Variants in B3GALT1 observed in about 807,000 individuals in gnomAD.
The protein encoded by B3GALT1 is UDP-Gal:betaGlcNAc beta 1,3-galactosyltransferase, polypeptide 1.
Under a neutral mutation model 23.2 loss-of-function variants are expected in B3GALT1, and 10 were observed. That is an observed-to-expected ratio of 0.43 (90% confidence interval 0.27 to 0.73). The LOEUF (loss-of-function observed/expected upper bound fraction) is 0.73. B3GALT1 is among the 30% of genes least tolerant of loss of function. The probability of loss-of-function intolerance (pLI) is 0.21; values close to 1 mark genes in which losing one functional copy is unlikely to be tolerated. For synonymous variants in B3GALT1, 156 were observed against 141.5 expected (o/e 1.10, Z -0.73); for missense variants, 299 against 405.4 (o/e 0.74, Z 2.25).
At chr2:167,577,758 G>A (rs1684410200) in intron 2 of B3GALT1, among the ~76,000 whole-genome samples, 1 of 151,824 alleles carries the variant, frequency 6.6e-6, no homozygotes, top group African/African-American at 2.4e-5. Flanking sequence ...TATAGGTCAT[G>A]CAGTGTTATG....
At chr2:167,814,380 G>C (rs1688949125) in intron 3 of B3GALT1, among the ~76,000 whole-genome samples, 1 of 152,204 alleles carries the variant, frequency 6.6e-6, no homozygotes, top group South Asian at 2.1e-4. Flanking sequence ...TGGTAGAACA[G>C]AGGAGGCTTG....
intron 3 of B3GALT1, among the ~76,000 whole-genome samples, chr2:167,696,631 A>G (rs1558951650): frequency 3.3e-5 from 5 of 152,158 alleles, no homozygotes; most frequent in Admixed American, 1.3e-4. Flanking sequence ...CACTTTGCCA[A>G]CCTCACATAT....
intron 3 of B3GALT1, chr2:167,713,678 G>A: frequency 7.0e-7 from 1 of 1,434,354 alleles, no homozygotes; most frequent in Non-Finnish European, 9.7e-7. Context: ...TGTGGTTCTG[G>A]ATGTTCAGTA....
intron 3 of B3GALT1, among the ~76,000 whole-genome samples, chr2:167,666,214 A>G (rs1420171665): frequency 1.3e-5 from 2 of 152,220 alleles, no homozygotes; most frequent in Non-Finnish European, 2.9e-5. Flanking sequence ...TGTACCCAGT[A>G]GTCCTTCAGG....
chr2:167,327,741 A>G (rs1226543895), intron 1 of B3GALT1, among the ~76,000 whole-genome samples: 1 of 151,942 alleles, frequency 6.6e-6, no homozygotes, highest in Non-Finnish European at 1.5e-5. Flanking sequence ...TGCTGTGGAT[A>G]GGACTTCCAG....
chr2:167,623,658 G>A (rs1163233098), intron 2 of B3GALT1, among the ~76,000 whole-genome samples: 1 of 151,964 alleles, frequency 6.6e-6, no homozygotes, highest in Non-Finnish European at 1.5e-5. Flanking sequence ...TGTAGATGAC[G>A]GGTTGATGGG....
intron 3 of B3GALT1, among the ~76,000 whole-genome samples, chr2:167,790,126 A>G (rs2105328298): frequency 6.6e-6 from 1 of 152,260 alleles, no homozygotes; most frequent in South Asian, 2.1e-4. Flanking sequence ...CTGCACCTTG[A>G]TGGCACGCTT....
intron 3 of B3GALT1, chr2:167,714,180 T>C: frequency 6.6e-7 from 1 of 1,515,916 alleles, no homozygotes; most frequent in East Asian, 2.3e-5. Flanking sequence ...CTATCAGAAT[T>C]AGAATAAAAT....
chr2:167,838,794 C>A (rs574618114), intron 4 of B3GALT1, among the ~76,000 whole-genome samples: 1 of 152,228 alleles, frequency 6.6e-6, no homozygotes, highest in Non-Finnish European at 1.5e-5. Context: ...TACTGGCAAA[C>A]CAAATCCAGC....
chr2:167,486,121 G>A (rs1358148393), intron 1 of B3GALT1, among the ~76,000 whole-genome samples: 1 of 152,170 alleles, frequency 6.6e-6, no homozygotes, highest in Non-Finnish European at 1.5e-5. Flanking sequence ...CAGCACTTTG[G>A]AGGCCAAGGC....
chr2:167,434,708 T>TG (rs1698752827), intron 1 of B3GALT1, among the ~76,000 whole-genome samples: 1 of 89,444 alleles, frequency 1.1e-5, no homozygotes, highest in Non-Finnish European at 2.6e-5. Context: ...AATCTATGAA[T>TG]GACCCCCCCC....
chr2:167,331,115 C>T (rs960923501), intron 1 of B3GALT1, among the ~76,000 whole-genome samples: 2 of 151,890 alleles, frequency 1.3e-5, no homozygotes, highest in Admixed American at 1.3e-4. Flanking sequence ...ATGTAAATAG[C>T]CTCAGAAGGG....
chr2:167,432,650 C>A (rs754400132), intron 1 of B3GALT1, among the ~76,000 whole-genome samples: 1 of 152,130 alleles, frequency 6.6e-6, no homozygotes, highest in Non-Finnish European at 1.5e-5. Context: ...TCTTATCAGG[C>A]ATAGATAGTC....
intron 2 of B3GALT1, among the ~76,000 whole-genome samples, chr2:167,612,367 T>TTTATTA (rs3062675): frequency 0.08 from 11,601 of 144,986 alleles, 661 homozygotes; most frequent in South Asian, 0.16. Flanking sequence ...TTATTAGGCC[T>TTTATTA]TTATTATTAT....
chr2:167,822,824 C>T (rs1689137183), intron 4 of B3GALT1, among the ~76,000 whole-genome samples: 1 of 152,192 alleles, frequency 6.6e-6, no homozygotes, highest in Non-Finnish European at 1.5e-5. Context: ...TACCCGAGGG[C>T]ACTTTTTACT....
intron 3 of B3GALT1, among the ~76,000 whole-genome samples, chr2:167,812,189 A>C (rs965319159): frequency 6.6e-6 from 1 of 152,234 alleles, no homozygotes; most frequent in East Asian, 1.9e-4. Flanking sequence ...AAATTCCATG[A>C]GCTTACAAGG....
At chr2:167,797,045 C>T (rs10930284) in intron 3 of B3GALT1, among the ~76,000 whole-genome samples, 15,181 of 152,022 alleles carry the variant, frequency 0.1, 1,640 homozygotes, top group East Asian at 0.3. Context: ...AAACGTGTGC[C>T]ATGGTGGTTT....
chr2:167,700,139 A>G (rs1686855632), intron 3 of B3GALT1, among the ~76,000 whole-genome samples: 1 of 152,160 alleles, frequency 6.6e-6, no homozygotes, highest in African/African-American at 2.4e-5. Context: ...TGTCCTAGCT[A>G]CTTGGGAGGC....
chr2:167,487,695 T>G (rs902393409), intron 1 of B3GALT1, among the ~76,000 whole-genome samples: 1 of 152,180 alleles, frequency 6.6e-6, no homozygotes, highest in Admixed American at 6.5e-5. Flanking sequence ...AAAATGGGAT[T>G]GCCCACAGAA....
Sources: allele counts gnomAD v4.1 joint callset (sites outside exome capture counted in the v4.1 genomes callset), GRCh38; gene constraint gnomAD v4.1.1; transcripts MANE v1.5; gene names NCBI Gene and HGNC (gene_info 2026-07-23, HGNC 2026-07-21).